The following DOCK2 variants were observed in gnomAD, a reference collection of about 807,000 sequenced individuals.
The protein encoded by DOCK2 is dedicator of cytokinesis 2, also known as dedicator of cytokinesis protein 2.
Under a neutral mutation model 248.9 loss-of-function variants are expected in DOCK2, and 87 were observed. That is an observed-to-expected ratio of 0.35 (90% CI 0.29 to 0.42). The LOEUF is 0.42. DOCK2 is among the 10% of genes least tolerant of loss of function. The pLI, the probability that DOCK2 is intolerant of heterozygous loss-of-function variation, is 1.00. For missense variants in DOCK2, 1,747 were observed against 2,300.2 expected, an observed-to-expected ratio of 0.76 and a Z score of 4.92; for synonymous variants, 805 against 821.6, an observed-to-expected ratio of 0.98 and a Z score of 0.35.
intron 33 of DOCK2, 151 bp downstream of exon 33, chr5:170,019,259 G>A: frequency 8.1e-7 from 1 of 1,233,424 alleles, no homozygotes; most frequent in East Asian, 2.4e-5. Context: ...TGAGCTGGCA[G>A]ATCAGATTTG....
At chr5:170,000,503 G>C (rs1254869024) in intron 30 of DOCK2, 2 of 152,188 alleles carry the variant, frequency 1.3e-5, no homozygotes, top group South Asian at 4.1e-4. Context: ...TAGGAACCGG[G>C]TGCCTCTGGA....
At chr5:170,080,448 C>A (rs1349175586) in intron 50 of DOCK2, 165 bp downstream of exon 50, 3 of 1,057,080 alleles carry the variant, frequency 2.8e-6, no homozygotes, top group Non-Finnish European at 4.0e-6. Context: ...TCTCCCCACA[C>A]CCACCACTTC....
chr5:169,724,285 A>G (rs1295409509), intron 22 of DOCK2, among the ~76,000 whole-genome samples: 2 of 152,114 alleles, frequency 1.3e-5, no homozygotes, highest in Admixed American at 6.5e-5. Flanking sequence ...TTCTGCAAAC[A>G]ACAACAACAA....
At chr5:169,722,618 G>C (rs185274821) in intron 22 of DOCK2, among the ~76,000 whole-genome samples, 23 of 152,256 alleles carry the variant, frequency 1.5e-4, no homozygotes, top group African/African-American at 5.5e-4. Context: ...TCTATAAATG[G>C]GGATAAACCA....
intron 26 of DOCK2, among the ~76,000 whole-genome samples, chr5:169,816,732 T>C (rs1768089322): frequency 6.6e-6 from 1 of 152,170 alleles, no homozygotes; most frequent in Admixed American, 6.5e-5. Context: ...TATGTATTTA[T>C]GGGGTACGTG....
intron 26 of DOCK2, among the ~76,000 whole-genome samples, chr5:169,804,322 A>C (rs1767175829): frequency 6.6e-6 from 1 of 152,226 alleles, no homozygotes; most frequent in South Asian, 2.1e-4. Context: ...ATTCATGCAG[A>C]AATATTAATA....
At chr5:169,689,189 T>C in intron 8 of DOCK2, 63 bp from the exon 9 acceptor site, 2 of 1,527,908 alleles carry the variant, frequency 1.3e-6, no homozygotes, top group Non-Finnish European at 1.8e-6. Flanking sequence ...GCTTGGTGAA[T>C]GTTTTGACTA....
intron 30 of DOCK2, among the ~76,000 whole-genome samples, chr5:169,999,132 A>G (rs2113800901): frequency 6.6e-6 from 1 of 152,348 alleles, no homozygotes; most frequent in South Asian, 2.1e-4. Flanking sequence ...GCTCAACTTC[A>G]GTCCTTCAGG....
chr5:170,012,999 T>C (rs1011221846), intron 32 of DOCK2, among the ~76,000 whole-genome samples: 4 of 151,920 alleles, frequency 2.6e-5, no homozygotes, highest in African/African-American at 9.7e-5. Flanking sequence ...TGGAGCTATC[T>C]AGTAGGGAAA....
At chr5:169,746,308 C>CGGGAAAGAAG (rs1245970518) in intron 22 of DOCK2, among the ~76,000 whole-genome samples, 2 of 151,848 alleles carry the variant, frequency 1.3e-5, no homozygotes, top group Non-Finnish European at 2.9e-5. Flanking sequence ...AGTAGAAAGA[C>CGGGAAAGAAG]GGGAAAGAAG....
At chr5:169,939,910 C>T (rs942843486) in intron 27 of DOCK2, among the ~76,000 whole-genome samples, 1 of 152,142 alleles carries the variant, frequency 6.6e-6, no homozygotes, top group African/African-American at 2.4e-5. Flanking sequence ...GATCATTTCC[C>T]ATTTTATATG....
At position 169,695,830 on chromosome 5, in the gene DOCK2, G is replaced by T; in HGVS notation, c.871G>T (p.Asp291Tyr). The change falls in exon 10 of 52, where the codon GAT becomes TAT. Residue 291 changes from aspartate to tyrosine, a missense_variant. Coordinates refer to ENST00000520908, the MANE Select transcript of DOCK2 (RefSeq NM_004946.3). Reference sequence around the variant, plus strand: ...TCTTGGAAACAAAGACCTCAACAGGGATAAAATTTACTTGATTTGTCAAAT... The same window carrying T: ...TCTTGGAAACAAAGACCTCAACAGGTATAAAATTTACTTGATTTGTCAAAT... ...TDLGNKDLNR[D>Y]KIYLICQIVR... The T allele has an allele frequency of 6.2e-7, 1 of 1,613,804 alleles. No individual in the cohort carries two copies. Among genetic ancestry groups the T allele is most frequent in the Non-Finnish European group, 8.5e-7 (1 of 1,179,926 alleles).
intron 25 of DOCK2, among the ~76,000 whole-genome samples, chr5:169,775,725 C>G (rs1008620713): frequency 2.0e-4 from 30 of 151,726 alleles, no homozygotes; most frequent in Non-Finnish European, 4.1e-4. Flanking sequence ...GCTGTTGGAA[C>G]ATTGGGGACA....
intron 26 of DOCK2, among the ~76,000 whole-genome samples, chr5:169,807,471 G>A (rs777758321): frequency 5.9e-5 from 9 of 152,076 alleles, no homozygotes; most frequent in Non-Finnish European, 1.3e-4. Context: ...TGGAAATAGA[G>A]GAATAGCTGG....
At chr5:169,654,580 A>G in intron 2 of DOCK2, 94 bp downstream of exon 2, 1 of 1,288,708 alleles carries the variant, frequency 7.8e-7, no homozygotes, top group Non-Finnish European at 1.1e-6. Flanking sequence ...TGAACCTGCA[A>G]CTGTGTGGTC....
intron 27 of DOCK2, among the ~76,000 whole-genome samples, chr5:169,867,427 GTCTGTCTGTCTA>G (rs1369382656): frequency 1.3e-5 from 2 of 149,162 alleles, no homozygotes; most frequent in Non-Finnish European, 1.5e-5. Context: ...CTGTCTGTCT[GTCTGTCTGTCTA>G]TCTATCTATC....
At chr5:169,667,463 C>T (rs1306674417) in intron 2 of DOCK2, among the ~76,000 whole-genome samples, 1 of 152,180 alleles carries the variant, frequency 6.6e-6, no homozygotes, top group Admixed American at 6.5e-5. Flanking sequence ...GCCTGTACAA[C>T]GTTTAGCATA....
rs1231425436 is a variant in DOCK2, at chr5:169,784,352, C to G, written c.2555-18706C>G. Among the ~76,000 whole-genome samples, 3 of 152,138 alleles carry G rather than the reference C, an allele frequency of 2.0e-5. No homozygotes were observed. The South Asian group carries it at 6.2e-4, about 31-fold the overall frequency. On this transcript the variant is annotated intron_variant, in intron 25 of 51. Coordinates refer to ENST00000520908, the MANE Select transcript of DOCK2 (RefSeq NM_004946.3). Reference sequence around the variant, plus strand: ...TTGAGTGGCTCCTTGGAGAAACTGCCTAATCCAACCTCTTCATTTTCAGCC... The same window carrying G: ...TTGAGTGGCTCCTTGGAGAAACTGCGTAATCCAACCTCTTCATTTTCAGCC...
intron 2 of DOCK2, 132 bp downstream of exon 2, chr5:169,654,618 T>A: frequency 1.2e-6 from 1 of 807,530 alleles, no homozygotes; most frequent in Non-Finnish European, 1.9e-6. Flanking sequence ...GTAACGCTAG[T>A]AATTAGAATT....
Sources: gnomAD v4.1 joint callset for allele counts (sites outside exome capture counted in the v4.1 genomes callset) on GRCh38, gnomAD v4.1.1 for gene constraint, MANE v1.5 for transcripts, NCBI Gene and HGNC (gene_info 2026-07-23, HGNC 2026-07-21) for gene names.